Variants in BEND3 observed in about 807,000 individuals in gnomAD.
BEND3 encodes the protein BEN domain-containing protein 3.
BEND3 carries 13 observed loss-of-function variants against 60.1 expected under a neutral mutation model. The ratio of observed to expected loss-of-function variants is 0.22; its 90% confidence interval spans 0.14 to 0.34. The LOEUF is 0.34. Among genes scored for constraint, BEND3 ranks in the 10% least tolerant of loss-of-function variants. The probability of loss-of-function intolerance (pLI) is 1.00; values close to 1 mark genes in which losing one functional copy is unlikely to be tolerated. For synonymous variants in BEND3, 497 were observed against 491.5 expected (o/e 1.01, Z -0.15); for missense variants, 896 against 1,138.1 (o/e 0.79, Z 3.06).
rs1775658724 is a variant in BEND3, at chr6:107,099,357, C to T, written c.-11-61G>A. On this transcript the variant is annotated intron_variant, in intron 1 of 3. Transcript: ENST00000369042. ...TGCTTGATTTATTTCTTAATTTTCT[C>T]TACCCACAGAAAATCCTCTTACCCT... 1.0e-5 allele frequency: 15 copies of T among 1,477,068 alleles called. No individual in the cohort carries two copies. In the South Asian group the frequency reaches 1.7e-4, roughly 17 times the overall value. The allele number at this position is 1,477,068 out of a possible 1,614,324, so 91.5% of individuals were successfully genotyped here. A position where few individuals can be genotyped will look rare whatever the true frequency, so the allele number is the denominator to read the frequency against.
At chr6:107,075,123 G>A (rs1775073910) in intron 3 of BEND3, among the ~76,000 whole-genome samples, 1 of 151,798 alleles carries the variant, frequency 6.6e-6, no homozygotes, top group Non-Finnish European at 1.5e-5. Context: ...CCACTAGGGA[G>A]GCTTAGGTGG....
intron 3 of BEND3, among the ~76,000 whole-genome samples, chr6:107,081,938 G>A (rs1331888832): frequency 2.0e-5 from 3 of 152,094 alleles, no homozygotes; most frequent in African/African-American, 7.2e-5. Flanking sequence ...GAATTATCTC[G>A]GACTGTCCAC....
intron 3 of BEND3, among the ~76,000 whole-genome samples, chr6:107,095,358 G>GA (rs1228630546): frequency 6.6e-6 from 1 of 151,900 alleles, no homozygotes; most frequent in Non-Finnish European, 1.5e-5. Flanking sequence ...ACTAAACAAA[G>GA]AAAAAAACCA....
chr6:107,068,438 C>A lies in BEND3; in HGVS notation c.*266G>T, dbSNP rs1310236502. On this transcript the variant is annotated 3_prime_UTR_variant, in exon 4 of 4. Coordinates refer to ENST00000369042, the MANE Select transcript of BEND3 (RefSeq NM_001367314.1). This position sits in a 1 kb window ranked among gnomAD's most constrained non-coding sequence, Gnocchi z 5.8. The stretch of plus-strand genomic sequence containing the variant: ...AGAGAGGACCCCTAACCTCTGGTCC[C>A]TGCCCTCACAGCTTGCTCTCCCCAC... The A allele has an allele frequency of 4.5e-6, 2 of 447,108 alleles. No homozygotes were observed. The highest frequency in any genetic ancestry group is 2.0e-5 in the African/African-American group (1 of 50,296). The allele number at this position is 447,108 out of a possible 1,614,324, so 27.7% of individuals were successfully genotyped here.
intron 3 of BEND3, among the ~76,000 whole-genome samples, chr6:107,094,949 T>G (rs1382043993): frequency 1.3e-5 from 2 of 150,482 alleles, no homozygotes; most frequent in African/African-American, 4.9e-5. Context: ...GCCTCCCGAG[T>G]AGCTGGGACT....
chr6:107,094,635 T>A (rs903143603), intron 3 of BEND3, among the ~76,000 whole-genome samples: 1 of 145,702 alleles, frequency 6.9e-6, no homozygotes, highest in Non-Finnish European at 1.5e-5. Context: ...AATAAATAAA[T>A]AAATAAATAA....
At position 107,070,970 on chromosome 6, in the gene BEND3, T is replaced by C. The variant is rs782238320; in HGVS notation, c.241-20A>G. 1.2e-5 allele frequency: 19 copies of C among 1,587,894 alleles called. No homozygotes were observed. In the Admixed American group the frequency reaches 2.8e-4, roughly 23 times the overall value. On this transcript the variant is annotated intron_variant, in intron 3 of 3. Transcript: ENST00000369042. The surrounding 1 kb of genome is among the most constrained non-coding windows in gnomAD (Gnocchi z 6.9). Reference sequence around the variant, plus strand: ...GAGAGCCTGCAAAACAAAAATCATTTCCCAGAGTGTTAGGTGGGTGCTGTG... The same window carrying C: ...GAGAGCCTGCAAAACAAAAATCATTCCCCAGAGTGTTAGGTGGGTGCTGTG...
At chr6:107,073,201 GTATATATATATATA>G (rs782669876) in intron 3 of BEND3, among the ~76,000 whole-genome samples, 260 of 22,444 alleles carry the variant, frequency 0.012, 7 homozygotes, top group East Asian at 0.02. Context: ...GTATGTGTAT[GTATATATATATATA>G]TATATATATA....
intron 1 of BEND3, among the ~76,000 whole-genome samples, chr6:107,104,827 T>A (rs1775779321): frequency 6.6e-6 from 1 of 151,812 alleles, no homozygotes; most frequent in Non-Finnish European, 1.5e-5. Flanking sequence ...CGCCACCACA[T>A]ACAGCTAGTT....
At chr6:107,084,455 G>C (rs1240962292) in intron 3 of BEND3, among the ~76,000 whole-genome samples, 2 of 150,864 alleles carry the variant, frequency 1.3e-5, no homozygotes, top group African/African-American at 4.9e-5. Context: ...GACTATAAAT[G>C]CACCAATCAG....
chr6:107,069,022 G>C lies in BEND3; in HGVS notation c.2169C>G (p.Asp723Glu), dbSNP rs782463887. ...FPVPSPYLLSDKEVREIVQQS... is the reference protein window; with the variant it reads ...FPVPSPYLLSEKEVREIVQQS... ...GCTGCACGATCTCACGCACCTCCTT[G>C]TCAGACAGCAGGTAGGGAGAAGGCA... Residue 723 changes from aspartate to glutamate, a missense_variant, in exon 4 of 4, where the codon GAC becomes GAG. Transcript: ENST00000369042. 6.2e-7 allele frequency: 1 copy of C among 1,613,776 alleles called. No homozygotes were observed. The highest frequency in any genetic ancestry group is 8.5e-7 in the Non-Finnish European group (1 of 1,180,016).
rs781975281 is a variant in BEND3, at chr6:107,069,248, G to A, written c.1943C>T (p.Thr648Met). 1.5e-5 allele frequency: 24 copies of A among 1,611,368 alleles called. No individual in the cohort carries two copies. The highest frequency in any genetic ancestry group is 3.3e-5 in the Admixed American group (2 of 59,730). Residue 648 changes from threonine to methionine, a missense_variant, in exon 4 of 4, where the codon ACG becomes ATG. By Grantham distance (81) the Thr-to-Met change is moderately conservative. Transcript: ENST00000369042. ...CTGCTGGTAGGAGCGCCTTTGCTCC[G>A]TGTCCCGGCGCCGGCAGCGCTCATC... ...KLDERCRRRD[T>M]EQRRSYQQQR...
chr6:107,087,647 G>T (rs1028972086), intron 3 of BEND3, among the ~76,000 whole-genome samples: 1 of 151,992 alleles, frequency 6.6e-6, no homozygotes, highest in East Asian at 1.9e-4. Context: ...TGAGGCAGGA[G>T]AATTGCTTGA....
intron 3 of BEND3, among the ~76,000 whole-genome samples, chr6:107,095,151 G>C (rs1007762167): frequency 1.6e-4 from 25 of 151,796 alleles, no homozygotes; most frequent in Non-Finnish European, 2.8e-4. Flanking sequence ...CTCCACCCTG[G>C]CAACAGAGAG....
rs782546683 is a variant in BEND3 at position 107,069,120 on chromosome 6, G to C, written c.2071C>G (p.Pro691Ala). The change falls in exon 4 of 4, where the codon CCC becomes GCC. Residue 691 changes from proline (P) to alanine (A), a missense_variant. Pro to Ala is a conservative substitution (Grantham distance 27). Around this residue, in one of 4 missense-constraint regions of BEND3, gnomAD observed 846 missense variants for 1,036.7 expected, o/e 0.82. Coordinates refer to ENST00000369042, the MANE Select transcript of BEND3 (RefSeq NM_001367314.1). ...REEFEGPPLP[P>A]ERSSKDFCKI... ...CAAAAGTCCTTGCTGCTCCTCTCGG[G>C]GGGCAGTGGGGGCCCCTCAAACTCC... is the stretch of plus-strand genomic sequence containing the variant. The C allele has an allele frequency of 3.1e-6, 5 of 1,612,672 alleles. No homozygotes were observed. Among genetic ancestry groups the C allele is most frequent in the East Asian group, 2.2e-5 (1 of 44,876 alleles).
chr6:107,106,356 C>T (rs1389011874), intron 1 of BEND3, among the ~76,000 whole-genome samples: 1 of 152,136 alleles, frequency 6.6e-6, no homozygotes, highest in Non-Finnish European at 1.5e-5. Context: ...AGGAGACTCC[C>T]GGCATGAGAG....
chr6:107,100,020 A>G (rs80087490), intron 1 of BEND3, among the ~76,000 whole-genome samples: 3,813 of 151,886 alleles, frequency 0.025, 165 homozygotes, highest in African/African-American at 0.088. Context: ...CAGGTACCAC[A>G]TGCCGCCACC....
chr6:107,081,424 G>A (rs1009951761), intron 3 of BEND3, among the ~76,000 whole-genome samples: 31 of 151,390 alleles, frequency 2.0e-4, no homozygotes, highest in African/African-American at 6.6e-4. Flanking sequence ...GTTTCACCAC[G>A]TTGGCTAGGG....
At position 107,067,693 on chromosome 6, in the gene BEND3, A is replaced by G; in HGVS notation, c.*1011T>C. 6.6e-6 allele frequency: 1 copy of G among 152,396 alleles called. No individual in the cohort carries two copies. Among genetic ancestry groups the G allele is most frequent in the Non-Finnish European group, 1.5e-5 (1 of 68,120 alleles). 9.4% of individuals were successfully genotyped at this position (152,396 alleles called of 1,614,324 possible). ...GTACTGCCTGGAGTAGCTAACACTGAGGTCTGGGGAAGTCACCACAAAGCT... is the reference window on the plus strand; with the variant it reads ...GTACTGCCTGGAGTAGCTAACACTGGGGTCTGGGGAAGTCACCACAAAGCT... On this transcript the variant is annotated 3_prime_UTR_variant, in exon 4 of 4. Transcript: ENST00000369042.
Sources: allele counts gnomAD v4.1 joint callset (sites outside exome capture counted in the v4.1 genomes callset), GRCh38; gene constraint gnomAD v4.1.1; regional missense constraint gnomAD v4.1.1; non-coding constraint Gnocchi (gnomAD v3.1); transcripts MANE v1.5; gene names NCBI Gene and HGNC (gene_info 2026-07-23, HGNC 2026-07-21).